The following CLINT1 variants were observed in gnomAD, a reference collection of about 807,000 sequenced individuals.
CLINT1 encodes the protein clathrin interactor 1, also known as clathrin interacting protein localized in the trans-Golgi region.
A neutral mutation model predicts 70.4 loss-of-function variants in CLINT1; 15 were observed. The observed-to-expected ratio is 0.21, with a 90% CI of 0.14 to 0.33. The LOEUF (loss-of-function observed/expected upper bound fraction) is 0.33, where lower values mean the gene tolerates loss of function less well. Ranked by LOEUF, CLINT1 falls within the 10% of genes least tolerant of loss-of-function variation. CLINT1 has a pLI of 1.00. For missense variants in CLINT1, 615 were observed against 778.1 expected (o/e 0.79, Z 2.49); for synonymous variants, 227 against 254.7 (o/e 0.89, Z 1.04).
At chr5:157,855,415 A>G (rs1753726677) in intron 1 of CLINT1, among the ~76,000 whole-genome samples, 2 of 152,174 alleles carry the variant, frequency 1.3e-5, no homozygotes, top group Admixed American at 1.3e-4. Context: ...ATAGGATGAC[A>G]ATGATTAAGC....
At chr5:157,830,771 T>TCC (rs1763206493) in intron 1 of CLINT1, among the ~76,000 whole-genome samples, 1 of 125,136 alleles carries the variant, frequency 8.0e-6, no homozygotes, top group Non-Finnish European at 1.7e-5. Flanking sequence ...TCTCTCTCTC[T>TCC]CTCTCTCTCT....
intron 1 of CLINT1, among the ~76,000 whole-genome samples, chr5:157,835,937 T>C (rs530188639): frequency 1.3e-5 from 2 of 152,348 alleles, no homozygotes; most frequent in South Asian, 4.1e-4. Flanking sequence ...CTCCTACCCA[T>C]GCTGAGTGTA....
intron 8 of CLINT1, chr5:157,796,184 A>G (rs1762061295): frequency 6.6e-6 from 1 of 152,210 alleles, no homozygotes; most frequent in Non-Finnish European, 1.5e-5. Context: ...CATGGGAAAA[A>G]AATAGCTTTT....
intron 1 of CLINT1, among the ~76,000 whole-genome samples, chr5:157,832,591 C>A (rs892774013): frequency 2.0e-5 from 3 of 151,284 alleles, no homozygotes; most frequent in African/African-American, 7.4e-5. Flanking sequence ...GAGGTATCTT[C>A]TTTTCATTCA....
intron 1 of CLINT1, among the ~76,000 whole-genome samples, chr5:157,853,682 C>T (rs1220016372): frequency 7.2e-6 from 1 of 139,638 alleles, no homozygotes; most frequent in Admixed American, 8.2e-5. Context: ...GAGGCTGAAG[C>T]AAGAGAATTG....
chr5:157,808,950 T>C (rs906511968), intron 6 of CLINT1: 4 of 152,086 alleles, frequency 2.6e-5, no homozygotes, highest in Admixed American at 1.3e-4. Context: ...AAGTTTTTAC[T>C]GGGGAAAAAA....
At chr5:157,796,937 C>A (rs1395084972) in intron 8 of CLINT1, among the ~76,000 whole-genome samples, 1 of 151,140 alleles carries the variant, frequency 6.6e-6, no homozygotes, top group Non-Finnish European at 1.5e-5. Flanking sequence ...CTAATGCCAA[C>A]CAAAGTGAAG....
intron 5 of CLINT1, among the ~76,000 whole-genome samples, chr5:157,812,639 T>C (rs1159378851): frequency 1.3e-5 from 2 of 152,186 alleles, no homozygotes; most frequent in Non-Finnish European, 1.5e-5. Flanking sequence ...TCAGGAAGCT[T>C]ATCTGGTTTG....
At chr5:157,846,652 A>G (rs969564032) in intron 1 of CLINT1, among the ~76,000 whole-genome samples, 1 of 152,230 alleles carries the variant, frequency 6.6e-6, no homozygotes, top group African/African-American at 2.4e-5. Flanking sequence ...TGGAGATGAA[A>G]CGGCCTTCCA....
chr5:157,805,754 T>C, intron 7 of CLINT1, 112 bp downstream of exon 7: 1 of 1,297,636 alleles, frequency 7.7e-7, no homozygotes, highest in Non-Finnish European at 1.1e-6. Context: ...TGCCAGATGA[T>C]CCATAATTAA....
At chr5:157,801,922 T>G (rs1349295113) in intron 8 of CLINT1, among the ~76,000 whole-genome samples, 1 of 150,584 alleles carries the variant, frequency 6.6e-6, no homozygotes, top group Non-Finnish European at 1.5e-5. Flanking sequence ...GAGACAAGAG[T>G]CTTGCTCTGT....
At chr5:157,826,473 T>C (rs1655835655) in intron 1 of CLINT1, among the ~76,000 whole-genome samples, 1 of 152,038 alleles carries the variant, frequency 6.6e-6, no homozygotes, top group Non-Finnish European at 1.5e-5. Context: ...TTTCTTAGAC[T>C]CTATCACATT....
chr5:157,804,179 T>G (rs1762316151), intron 7 of CLINT1, among the ~76,000 whole-genome samples: 1 of 152,176 alleles, frequency 6.6e-6, no homozygotes, highest in Admixed American at 6.6e-5. Flanking sequence ...ATTCCAAGGC[T>G]TGAGATCCAC....
chr5:157,816,417 T>C (rs923505041), intron 3 of CLINT1, among the ~76,000 whole-genome samples: 3 of 152,184 alleles, frequency 2.0e-5, no homozygotes, highest in Non-Finnish European at 4.4e-5. Context: ...GTGGTATTCA[T>C]CTTAACTGCT....
intron 1 of CLINT1, among the ~76,000 whole-genome samples, chr5:157,824,348 C>T (rs1762966132): frequency 6.6e-6 from 1 of 152,158 alleles, no homozygotes; most frequent in Admixed American, 6.5e-5. Context: ...ATCAAATGTA[C>T]TGTCAACGGC....
At chr5:157,852,749 C>T (rs986118898) in intron 1 of CLINT1, among the ~76,000 whole-genome samples, 7 of 152,166 alleles carry the variant, frequency 4.6e-5, no homozygotes, top group African/African-American at 1.7e-4. Context: ...CTAGCTATTC[C>T]CACATTTATT....
intron 6 of CLINT1, among the ~76,000 whole-genome samples, chr5:157,807,722 A>T (rs555162380): frequency 6.6e-6 from 1 of 152,144 alleles, no homozygotes; most frequent in African/African-American, 2.4e-5. Flanking sequence ...CTTAGAGGCA[A>T]CATAAAAAAT....
intron 2 of CLINT1, 32 bp downstream of exon 2, chr5:157,817,411 T>C (rs746484155): frequency 5.4e-5 from 73 of 1,346,150 alleles, no homozygotes; most frequent in Non-Finnish European, 6.9e-5. Flanking sequence ...CTTTGATTTT[T>C]TTCTGCACTG....
chr5:157,846,263 T>C (rs771622796), intron 1 of CLINT1, among the ~76,000 whole-genome samples: 47 of 152,278 alleles, frequency 3.1e-4, no homozygotes, highest in Middle Eastern at 6.8e-3. Context: ...GCAAAGGAAA[T>C]GTTCTTGAAG....
Sources: allele counts gnomAD v4.1 joint callset (sites outside exome capture counted in the v4.1 genomes callset), GRCh38; gene constraint gnomAD v4.1.1; transcripts MANE v1.5; gene names NCBI Gene and HGNC (gene_info 2026-07-23, HGNC 2026-07-21).